The following CFAP44 variants were observed in gnomAD, a reference collection of about 807,000 sequenced individuals.
CFAP44 encodes cilia- and flagella-associated protein 44.
Under a neutral mutation model 216.2 loss-of-function variants are expected in CFAP44, and 134 were observed. That is an observed-to-expected ratio of 0.62 (90% confidence interval 0.54 to 0.72). The LOEUF is 0.72. Ranked by LOEUF, CFAP44 falls within the 30% of genes least tolerant of loss-of-function variation. The probability of loss-of-function intolerance (pLI) is 0.00; values close to 1 mark genes in which losing one functional copy is unlikely to be tolerated. For synonymous variants in CFAP44, 700 were observed against 727.6 expected, an observed-to-expected ratio of 0.96 and a Z score of 0.61; for missense variants, 2,035 against 2,182.1, an observed-to-expected ratio of 0.93 and a Z score of 1.34.
chr3:113,435,419 G>A (rs376105432), intron 1 of CFAP44, among the ~76,000 whole-genome samples: 14 of 152,224 alleles, frequency 9.2e-5, no homozygotes, highest in African/African-American at 3.4e-4. Flanking sequence ...GATTTTGTGA[G>A]AACTCACTTA....
At position 113,366,032 on chromosome 3, in the gene CFAP44, T is replaced by G. The variant is rs1950584037; in HGVS notation, c.2715+7A>C. On this transcript the variant is annotated splice_region_variant and intron_variant, in intron 19 of 34. Transcript: ENST00000393845. ...GTTATTAATTAACTGGTTAATTAAT[T>G]ACATACCCTGGGAGATGGAACTTTG... 2 of 1,595,848 alleles carry G rather than the reference T, an allele frequency of 1.3e-6. No homozygotes were observed. The highest frequency in any genetic ancestry group is 3.5e-5 in the Admixed American group (2 of 57,384).
Position 113,352,063 on chromosome 3 carries a change from G to C in CFAP44, c.3065+6682C>G, listed in dbSNP as rs1031431946. Among the ~76,000 whole-genome samples, 5 of 152,282 alleles carry C rather than the reference G, an allele frequency of 3.3e-5. No homozygotes were observed. The East Asian group carries it at 9.7e-4, about 29-fold the overall frequency. ...AGCAGTTGGGGTGTCCTGTTTAGAGGGGGGATTGAGAGGTGAAGCCAGCTG... is the reference window on the plus strand; with the variant it reads ...AGCAGTTGGGGTGTCCTGTTTAGAGCGGGGATTGAGAGGTGAAGCCAGCTG... On this transcript the variant is annotated intron_variant, in intron 22 of 34. Coordinates refer to ENST00000393845, the MANE Select transcript of CFAP44 (RefSeq NM_001164496.2).
Position 113,391,071 on chromosome 3 carries a change from C to T in CFAP44, c.1890+4679G>A, listed in dbSNP as rs528537066. Among the ~76,000 whole-genome samples, 8 of 152,172 alleles carry T rather than the reference C, an allele frequency of 5.3e-5. No homozygotes were observed. In the South Asian group the frequency reaches 1.7e-3, roughly 32 times the overall value. ...ACAGAAAGAACAAAGCTGGAGAAAT[C>T]ACATTAGCTGACTTCAAGTTATACT... On this transcript the variant is annotated intron_variant, in intron 15 of 34. Transcript: ENST00000393845.
intron 28 of CFAP44, among the ~76,000 whole-genome samples, chr3:113,315,880 A>G (rs1255730021): frequency 2.0e-5 from 3 of 152,224 alleles, no homozygotes; most frequent in Non-Finnish European, 4.4e-5. Flanking sequence ...AAGCTAAGCT[A>G]AGCTACTATG....
chr3:113,386,504 T>A (rs1366996220), intron 15 of CFAP44, among the ~76,000 whole-genome samples: 3 of 152,228 alleles, frequency 2.0e-5, no homozygotes, highest in Non-Finnish European at 4.4e-5. Flanking sequence ...AAAAGCATAT[T>A]ACATGAAACA....
chr3:113,308,405 C>A, intron 28 of CFAP44, 137 bp from the exon 29 acceptor site: 1 of 668,976 alleles, frequency 1.5e-6, no homozygotes, highest in South Asian at 2.3e-5. Context: ...TGGTTAAGGA[C>A]ACAAAGAACA....
chr3:113,349,019 C>T (rs1950416069), intron 22 of CFAP44, among the ~76,000 whole-genome samples: 1 of 152,188 alleles, frequency 6.6e-6, no homozygotes, highest in Non-Finnish European at 1.5e-5. Flanking sequence ...CCCTACCAGT[C>T]AGCAAGCCGT....
chr3:113,441,385 C>A, intron 1 of CFAP44, 68 bp downstream of exon 1: 2 of 985,734 alleles, frequency 2.0e-6, no homozygotes, highest in East Asian at 1.1e-4. Flanking sequence ...GTGGGGTTCA[C>A]TGCCCTCTGA....
chr3:113,294,828 G>C lies in CFAP44; in HGVS notation c.5239-7C>G. On this transcript the variant is annotated splice_polypyrimidine_tract_variant and splice_region_variant and intron_variant, in intron 33 of 34. Coordinates refer to ENST00000393845, the MANE Select transcript of CFAP44 (RefSeq NM_001164496.2). ...GCATTTGAGCAATCTTTTCCTACCA[G>C]GGTGGGAAGATGCAAAATAGATGTA... The C allele has an allele frequency of 6.6e-7, 1 of 1,522,710 alleles. No individual in the cohort carries two copies. Among genetic ancestry groups the C allele is most frequent in the Non-Finnish European group, 8.8e-7 (1 of 1,142,190 alleles). The allele number at this position is 1,522,710 out of a possible 1,614,324, so 94.3% of individuals were successfully genotyped here.
intron 7 of CFAP44, among the ~76,000 whole-genome samples, chr3:113,408,480 T>C (rs1049093573): frequency 5.3e-5 from 8 of 152,196 alleles, no homozygotes; most frequent in African/African-American, 1.9e-4. Flanking sequence ...CAGTATGAAT[T>C]TGGAAATACC....
At chr3:113,339,833 G>A (rs1018946829) in intron 24 of CFAP44, among the ~76,000 whole-genome samples, 1 of 152,174 alleles carries the variant, frequency 6.6e-6, no homozygotes, top group Non-Finnish European at 1.5e-5. Context: ...AGAGCTAGGG[G>A]GAGCCCTCTC....
chr3:113,313,547 C>T (rs551764955), intron 28 of CFAP44, among the ~76,000 whole-genome samples: 19 of 152,060 alleles, frequency 1.2e-4, no homozygotes, highest in Non-Finnish European at 2.2e-4. Flanking sequence ...GGCAAGGGGG[C>T]GGAATGATAT....
intron 1 of CFAP44, among the ~76,000 whole-genome samples, chr3:113,436,643 AT>A (rs1935246959): frequency 6.6e-6 from 1 of 152,224 alleles, no homozygotes; most frequent in Non-Finnish European, 1.5e-5. Context: ...AAAAATCAAC[AT>A]TTAAAGTATT....
intron 15 of CFAP44, among the ~76,000 whole-genome samples, chr3:113,395,248 G>C (rs1933957284): frequency 6.6e-6 from 1 of 152,158 alleles, no homozygotes; most frequent in Non-Finnish European, 1.5e-5. Context: ...GACATTAAAA[G>C]AGATTAGTAA....
At chr3:113,341,055 C>T (rs1447530883) in intron 24 of CFAP44, among the ~76,000 whole-genome samples, 1 of 152,220 alleles carries the variant, frequency 6.6e-6, no homozygotes, top group Non-Finnish European at 1.5e-5. Flanking sequence ...TCTTGATGAC[C>T]AGTTACTTGT....
chr3:113,333,011 T>C (rs547794323), intron 25 of CFAP44, among the ~76,000 whole-genome samples: 1 of 152,228 alleles, frequency 6.6e-6, no homozygotes, highest in South Asian at 2.1e-4. Context: ...TCAACAAAGA[T>C]GTATTAATAC....
chr3:113,435,656 G>A (rs190754848), intron 1 of CFAP44, among the ~76,000 whole-genome samples: 58 of 151,316 alleles, frequency 3.8e-4, no homozygotes, highest in African/African-American at 1.4e-3. Context: ...TTGAGCCCAG[G>A]AGTTTGAGGC....
Position 113,441,344 on chromosome 3 carries a change from A to G in CFAP44, c.-6+109T>C, listed in dbSNP as rs558677520. ...AGCTACCGCAGGGAGGACGAAGGCT[A>G]TAACACTGGTCCAGCCTGAGAGAAG... On this transcript the variant is annotated intron_variant, in intron 1 of 34. Transcript: ENST00000393845. 7.5e-4 allele frequency: 724 copies of G among 971,604 alleles called. 1 individual carries two copies. Among genetic ancestry groups the G allele is most frequent in the Non-Finnish European group, 8.2e-4 (668 of 817,252 alleles). 60.2% of individuals were successfully genotyped at this position (971,604 alleles called of 1,614,324 possible). A position where few individuals can be genotyped will look rare whatever the true frequency, so the allele number is the denominator to read the frequency against.
chr3:113,370,923 C>T (rs200432951), intron 18 of CFAP44, among the ~76,000 whole-genome samples: 11,107 of 149,996 alleles, frequency 0.074, 503 homozygotes, highest in East Asian at 0.14. Context: ...ACAAGCATTC[C>T]TATACAGCAG....
Sources: allele counts gnomAD v4.1 joint callset (sites outside exome capture counted in the v4.1 genomes callset), GRCh38; gene constraint gnomAD v4.1.1; transcripts MANE v1.5; gene names NCBI Gene and HGNC (gene_info 2026-07-23, HGNC 2026-07-21).